TBC1D2B: variants seen among roughly 807,000 people sequenced by gnomAD.
TBC1D2B encodes TBC1 domain family member 2B, also known as TBC1 domain family, member 2B.
In TBC1D2B, 64 loss-of-function variants were observed where a neutral mutation model predicts 100.8. That is an observed-to-expected ratio of 0.64 (90% CI 0.52 to 0.78). The LOEUF is 0.78. Among genes scored for constraint, TBC1D2B ranks in the 30% least tolerant of loss-of-function variants. The pLI, the probability that TBC1D2B is intolerant of heterozygous loss-of-function variation, is 0.00. For missense variants in TBC1D2B, 1,052 were observed against 1,218.4 expected (o/e 0.86, Z 2.03); for synonymous variants, 480 against 479.7 (o/e 1.00, Z -0.01).
Position 78,030,134 on chromosome 15 carries a change from A to C in TBC1D2B, c.720T>G (p.His240Gln). 1.2e-6 allele frequency: 2 copies of C among 1,613,610 alleles called. No individual in the cohort carries two copies. Among genetic ancestry groups the C allele is most frequent in the Non-Finnish European group, 1.7e-6 (2 of 1,179,720 alleles). The change falls in exon 4 of 13, where the codon CAT (histidine) becomes CAG (glutamine). Residue 240 changes from histidine (H) to glutamine (Q), a missense_variant. Physicochemically the swap from His to Gln is conservative, Grantham distance 24 (BLOSUM62 0). Coordinates refer to ENST00000300584, the MANE Select transcript of TBC1D2B (RefSeq NM_144572.2). ...SMSSFRPGRG[H>Q]NDSRRTVFYT... is the part of the protein sequence containing the mutation. Reference sequence around the variant, plus strand: ...AAAACACAGTCCTCCGACTATCATTATGTCCTCTCCCAGGACGGAAAGAAG... The same window carrying C: ...AAAACACAGTCCTCCGACTATCATTCTGTCCTCTCCCAGGACGGAAAGAAG...
chr15:78,016,029 G>GA (rs1435658933), intron 8 of TBC1D2B, among the ~76,000 whole-genome samples: 4 of 152,188 alleles, frequency 2.6e-5, no homozygotes, highest in Non-Finnish European at 5.9e-5. Flanking sequence ...TGAACTGCGT[G>GA]AATCTGTAGA....
At chr15:78,008,960 A>G (rs768568105) in intron 10 of TBC1D2B, 37 bp downstream of exon 10, 3 of 1,428,516 alleles carry the variant, frequency 2.1e-6, no homozygotes, top group Non-Finnish European at 1.9e-6. Flanking sequence ...CTGCAATTCT[A>G]AAAGTGGTGA....
chr15:78,051,435 C>T (rs2073311366), intron 2 of TBC1D2B, among the ~76,000 whole-genome samples: 1 of 152,218 alleles, frequency 6.6e-6, no homozygotes, highest in Admixed American at 6.5e-5. Flanking sequence ...TACTTAGAGT[C>T]TGACAACTAG....
At chr15:78,038,064 G>C (rs1333217597) in intron 3 of TBC1D2B, among the ~76,000 whole-genome samples, 1 of 152,154 alleles carries the variant, frequency 6.6e-6, no homozygotes, top group East Asian at 1.9e-4. Flanking sequence ...AAGGGCAGAG[G>C]ATGAGAAGCC....
intron 1 of TBC1D2B, among the ~76,000 whole-genome samples, chr15:78,055,169 G>A (rs1045140916): frequency 6.6e-6 from 1 of 152,140 alleles, no homozygotes; most frequent in Admixed American, 6.5e-5. Flanking sequence ...GGCTTGGCAG[G>A]GAGGGGAGCA....
intron 1 of TBC1D2B, among the ~76,000 whole-genome samples, chr15:78,054,817 C>T (rs1330749901): frequency 6.6e-6 from 1 of 152,138 alleles, no homozygotes; most frequent in Non-Finnish European, 1.5e-5. Flanking sequence ...ACCAAGTAAC[C>T]TGGCAAGCCC....
intron 12 of TBC1D2B, among the ~76,000 whole-genome samples, chr15:77,999,925 A>G (rs2071866421): frequency 6.6e-6 from 1 of 152,158 alleles, no homozygotes. Context: ...CTGCTGCAGA[A>G]CATGGTTCAA....
chr15:78,076,844 T>TA (rs1290407227), intron 1 of TBC1D2B, among the ~76,000 whole-genome samples: 1 of 152,254 alleles, frequency 6.6e-6, no homozygotes, highest in African/African-American at 2.4e-5. Context: ...ATGAGGTAGA[T>TA]ACTACTGTTA....
chr15:78,023,687 C>A (rs1228122006), intron 6 of TBC1D2B, among the ~76,000 whole-genome samples: 1 of 152,234 alleles, frequency 6.6e-6, no homozygotes, highest in Non-Finnish European at 1.5e-5. Flanking sequence ...AGGCCCTCTT[C>A]CCAGGCCTAC....
intron 8 of TBC1D2B, 83 bp downstream of exon 8, chr15:78,016,463 G>A: frequency 9.9e-6 from 13 of 1,311,298 alleles, no homozygotes; most frequent in Non-Finnish European, 1.4e-5. Context: ...GTTGTGTACG[G>A]CTCTCTGCGA....
At chr15:77,998,557 G>A (rs2071826403) in intron 12 of TBC1D2B, 2 of 525,314 alleles carry the variant, frequency 3.8e-6, no homozygotes, top group African/African-American at 3.9e-5. Context: ...GGCTCAGAAT[G>A]ACGACCTGGA....
intron 3 of TBC1D2B, among the ~76,000 whole-genome samples, chr15:78,033,215 G>GT (rs1596318175): frequency 6.6e-6 from 1 of 152,170 alleles, no homozygotes; most frequent in East Asian, 1.9e-4. Flanking sequence ...TGAGCAGTCG[G>GT]TAAGTGGAGT....
At chr15:78,015,228 C>CAATAA (rs908899797) in intron 8 of TBC1D2B, among the ~76,000 whole-genome samples, 1 of 151,752 alleles carries the variant, frequency 6.6e-6, no homozygotes. Flanking sequence ...CAAAACAAAA[C>CAATAA]AATAAAATAA....
chr15:78,065,723 T>A (rs577853039), intron 1 of TBC1D2B, among the ~76,000 whole-genome samples: 6 of 152,094 alleles, frequency 3.9e-5, no homozygotes, highest in Non-Finnish European at 5.9e-5. Context: ...TACCACATTA[T>A]TCTGCTTGAT....
rs375107069 is a variant in TBC1D2B, at chr15:77,999,540, G to A, written c.2697-1185C>T. Among the ~76,000 whole-genome samples the A allele has an allele frequency of 8.2e-4, 125 of 152,138 alleles. 1 individual carries two copies. The highest frequency in any genetic ancestry group is 3.7e-3 in the South Asian group (18 of 4,812). ...AGGGGTCCCCGCGTGTGGATTTCTC[G>A]GGTTCCGCCTCCTGCCTGGCTCTGC... On this transcript the variant is annotated intron_variant, in intron 12 of 12. Coordinates refer to ENST00000300584, the MANE Select transcript of TBC1D2B (RefSeq NM_144572.2).
chr15:78,028,425 C>T (rs1394099276), intron 4 of TBC1D2B, among the ~76,000 whole-genome samples: 3 of 152,184 alleles, frequency 2.0e-5, no homozygotes, highest in African/African-American at 7.2e-5. Flanking sequence ...GAGCCGAGAT[C>T]GCGCCACTGC....
At chr15:78,043,639 T>C (rs540696378) in intron 3 of TBC1D2B, among the ~76,000 whole-genome samples, 1 of 152,326 alleles carries the variant, frequency 6.6e-6, no homozygotes, top group East Asian at 1.9e-4. Context: ...GCACTGATAG[T>C]TGCTACAGCA....
intron 8 of TBC1D2B, among the ~76,000 whole-genome samples, chr15:78,013,989 G>T (rs148160388): frequency 7.8e-4 from 119 of 152,340 alleles, no homozygotes; most frequent in African/African-American, 2.8e-3. Flanking sequence ...TGTGAGAGGG[G>T]CTGGACCTGC....
intron 8 of TBC1D2B, among the ~76,000 whole-genome samples, 172 bp from the exon 9 acceptor site, chr15:78,013,489 G>A (rs565571582): frequency 6.6e-6 from 1 of 152,200 alleles, no homozygotes; most frequent in African/African-American, 2.4e-5. Flanking sequence ...ATAAAGCTAG[G>A]AGGACTGGCT....
Sources: allele counts gnomAD v4.1 joint callset (sites outside exome capture counted in the v4.1 genomes callset), GRCh38; gene constraint gnomAD v4.1.1; transcripts MANE v1.5; gene names NCBI Gene and HGNC (gene_info 2026-07-23, HGNC 2026-07-21).